Variants in DNAH8 observed in about 807,000 individuals in gnomAD.
DNAH8 encodes dynein axonemal heavy chain 8.
DNAH8 carries 382 observed loss-of-function variants against 562.1 expected under a neutral mutation model. That is an observed-to-expected ratio of 0.68 (90% CI 0.63 to 0.74). The LOEUF (loss-of-function observed/expected upper bound fraction) is 0.74, where lower values mean the gene tolerates loss of function less well. DNAH8 is among the 30% of genes least tolerant of loss of function. The pLI is 0.00. For missense variants in DNAH8, 5,203 were observed against 5,620.4 expected (o/e 0.93, Z 2.37); for synonymous variants, 1,881 against 1,919.4 (o/e 0.98, Z 0.52).
intron 91 of DNAH8, among the ~76,000 whole-genome samples, chr6:39,015,755 T>C (rs1766525766): frequency 6.6e-6 from 1 of 152,220 alleles, no homozygotes; most frequent in Admixed American, 6.5e-5. Flanking sequence ...CCTTCATTTG[T>C]TAATAATACT....
intron 8 of DNAH8, among the ~76,000 whole-genome samples, chr6:38,744,674 G>T (rs764714464): frequency 4.6e-5 from 7 of 151,920 alleles, no homozygotes; most frequent in Non-Finnish European, 1.0e-4. Flanking sequence ...TTCACTGCAC[G>T]CTCGACCTCC....
chr6:38,979,944 G>A (rs1284101872), intron 85 of DNAH8, among the ~76,000 whole-genome samples: 1 of 152,192 alleles, frequency 6.6e-6, no homozygotes, highest in Non-Finnish European at 1.5e-5. Context: ...TAAGTCATTA[G>A]CATTCTTCTC....
chr6:38,919,667 C>T (rs753146435), intron 70 of DNAH8, among the ~76,000 whole-genome samples: 2 of 151,840 alleles, frequency 1.3e-5, no homozygotes, highest in South Asian at 2.1e-4. Context: ...ATTAAATTCC[C>T]GAAAGCAAAA....
At chr6:38,854,282 T>A (rs1377240565) in intron 41 of DNAH8, among the ~76,000 whole-genome samples, 3 of 152,164 alleles carry the variant, frequency 2.0e-5, no homozygotes, top group Non-Finnish European at 4.4e-5. Flanking sequence ...CATTACACTT[T>A]CATTCAAGAG....
intron 56 of DNAH8, among the ~76,000 whole-genome samples, chr6:38,886,065 G>T (rs1293585098): frequency 6.6e-6 from 1 of 152,200 alleles, no homozygotes; most frequent in East Asian, 1.9e-4. Context: ...ATATACAGGT[G>T]TAGAGCTTAG....
At chr6:38,958,791 A>G (rs981939312) in intron 82 of DNAH8, among the ~76,000 whole-genome samples, 3 of 152,092 alleles carry the variant, frequency 2.0e-5, no homozygotes, top group African/African-American at 7.2e-5. Flanking sequence ...GACTCATTCT[A>G]TGAGACTAGC....
At chr6:38,853,953 G>A (rs1421408845) in intron 41 of DNAH8, among the ~76,000 whole-genome samples, 1 of 151,770 alleles carries the variant, frequency 6.6e-6, no homozygotes, top group Non-Finnish European at 1.5e-5. Flanking sequence ...TATTGCTTTT[G>A]CACTGTCGTA....
At chr6:38,839,445 C>T (rs1738198) in intron 33 of DNAH8, among the ~76,000 whole-genome samples, 31,995 of 151,316 alleles carry the variant, frequency 0.21, 4,250 homozygotes, top group African/African-American at 0.37. Context: ...ACTCGACTTC[C>T]GTAGTTCAAG....
At chr6:38,917,450 C>T (rs369162882) in intron 69 of DNAH8, 44 bp downstream of exon 69, 40 of 1,533,184 alleles carry the variant, frequency 2.6e-5, no homozygotes, top group African/African-American at 4.1e-5. Context: ...CTGCATCAGG[C>T]GTCCTCAGCC....
rs574765368 is a variant in DNAH8, at chr6:38,923,469, A to G, written c.10790+284A>G. On this transcript the variant is annotated intron_variant, in intron 72 of 92. Coordinates refer to ENST00000327475, the MANE Select transcript of DNAH8 (RefSeq NM_001206927.2). Reference sequence around the variant, plus strand: ...CTCCAGTTCTCTATGCTTCACCTCAATGATTTTGAAAGTGTGGATCAATGG... The same window carrying G: ...CTCCAGTTCTCTATGCTTCACCTCAGTGATTTTGAAAGTGTGGATCAATGG... 119 of 261,654 alleles carry G rather than the reference A, an allele frequency of 4.5e-4. No homozygotes were observed. In the South Asian group the frequency reaches 7.5e-3, roughly 17 times the overall value. The allele number at this position is 261,654 out of a possible 1,614,324, so 16.2% of individuals were successfully genotyped here.
At chr6:38,815,889 G>A (rs1408499282) in intron 26 of DNAH8, among the ~76,000 whole-genome samples, 1 of 151,802 alleles carries the variant, frequency 6.6e-6, no homozygotes, top group Non-Finnish European at 1.5e-5. Flanking sequence ...ATAAACCTTA[G>A]CACTAATTTT....
chr6:38,894,864 G>A lies in DNAH8; in HGVS notation c.8747G>A (p.Arg2916Lys), dbSNP rs768139048. 3.7e-6 allele frequency: 6 copies of A among 1,612,396 alleles called. No homozygotes were observed. The highest frequency in any genetic ancestry group is 2.2e-5 in the South Asian group (2 of 90,562). Residue 2916 changes from arginine to lysine, a missense_variant and splice_region_variant, in exon 59 of 93, where the codon AGA becomes AAA. Physicochemically the swap from Arg to Lys is conservative, Grantham distance 26 (BLOSUM62 2). Around this residue, in one of 6 missense-constraint regions of DNAH8, gnomAD observed 977 missense variants for 1,061.8 expected, o/e 0.92. Coordinates refer to ENST00000327475, the MANE Select transcript of DNAH8 (RefSeq NM_001206927.2). ...KHECSRVIAD[R>K]FITPEDEQWF... Reference sequence around the variant, plus strand: ...GAGTGCAGCAGAGTAATTGCAGACAGGTGCGTGTTGCGGCACTAGAGTTTA... The same window carrying A: ...GAGTGCAGCAGAGTAATTGCAGACAAGTGCGTGTTGCGGCACTAGAGTTTA...
chr6:38,822,905 G>T lies in DNAH8; in HGVS notation c.3591G>T (p.Lys1197Asn). Reference protein sequence around the residue: ...KNFYPGVAEHKDISKLVLLLS... With the variant: ...KNFYPGVAEHNDISKLVLLLS... ...TTTACCCGGGGGTAGCGGAGCACAA[G>T]GATATTTCTAAGTTGGTCCTGCTCC... The change falls in exon 27 of 93, where the codon AAG becomes AAT. Residue 1197 changes from lysine to asparagine, a missense_variant. Lys to Asn is a moderately conservative substitution (Grantham distance 94, BLOSUM62 0). This residue lies in a region of DNAH8 where 2,176 missense variants were observed against 2,365.1 expected (regional missense o/e 0.92). Coordinates refer to ENST00000327475, the MANE Select transcript of DNAH8 (RefSeq NM_001206927.2). 6.2e-7 allele frequency: 1 copy of T among 1,612,722 alleles called. No individual in the cohort carries two copies. Among genetic ancestry groups the T allele is most frequent in the Non-Finnish European group, 8.5e-7 (1 of 1,179,646 alleles).
At chr6:38,844,594 G>A (rs773171344) in intron 35 of DNAH8, among the ~76,000 whole-genome samples, 3 of 152,088 alleles carry the variant, frequency 2.0e-5, no homozygotes, top group Non-Finnish European at 2.9e-5. Context: ...ATAGCCATTC[G>A]TAGGCTGTGC....
At chr6:38,827,542 A>C (rs1175278665) in intron 29 of DNAH8, among the ~76,000 whole-genome samples, 1 of 151,940 alleles carries the variant, frequency 6.6e-6, no homozygotes, top group Non-Finnish European at 1.5e-5. Context: ...CCCAATATTT[A>C]TGACTGTTTT....
At position 38,770,478 on chromosome 6, in the gene DNAH8, A is replaced by G; in HGVS notation, c.1683A>G (p.Glu561=). The G allele has an allele frequency of 6.2e-7, 1 of 1,607,654 alleles. No individual in the cohort carries two copies. The highest frequency in any genetic ancestry group is 1.7e-4 in the Middle Eastern group (1 of 6,040). Residue 561 remains glutamate, a synonymous_variant, in exon 12 of 93, where the codon GAA becomes GAG. Coordinates refer to ENST00000327475, the MANE Select transcript of DNAH8 (RefSeq NM_001206927.2). ...ATAAAACAAGGAAACTGATTTCAGA[A>G]TCCTCAGGGGAAAAATCTTTTGAGG... ...SFHKTRKLIS[E]SSGEKSFEVS...
chr6:38,749,872 T>C lies in DNAH8; in HGVS notation c.1294-604T>C, dbSNP rs575138617. ...TTTGAGACAAAGTCTCACTCTGTTG[T>C]CCAGGCTGGAGTGCAGTGGCGCGAT... On this transcript the variant is annotated intron_variant, in intron 8 of 92. Transcript: ENST00000327475. Among the ~76,000 whole-genome samples the C allele has an allele frequency of 1.2e-3, 179 of 152,332 alleles. 1 individual carries two copies. Among genetic ancestry groups the C allele is most frequent in the African/African-American group, 4.0e-3 (166 of 41,580 alleles).
intron 42 of DNAH8, among the ~76,000 whole-genome samples, chr6:38,859,988 A>G (rs1203412561): frequency 6.6e-6 from 1 of 152,132 alleles, no homozygotes; most frequent in African/African-American, 2.4e-5. Context: ...TTCCTTGAAG[A>G]TGCCAATCAG....
chr6:38,959,948 C>G (rs1762501047), intron 82 of DNAH8, among the ~76,000 whole-genome samples: 1 of 152,040 alleles, frequency 6.6e-6, no homozygotes, highest in African/African-American at 2.4e-5. Flanking sequence ...ATAGAGAAAC[C>G]AGAGATAAAC....
Sources: gnomAD v4.1 joint callset for allele counts (sites outside exome capture counted in the v4.1 genomes callset) on GRCh38, gnomAD v4.1.1 for gene constraint, gnomAD v4.1.1 regional missense constraint, MANE v1.5 for transcripts, NCBI Gene and HGNC (gene_info 2026-07-23, HGNC 2026-07-21) for gene names.